The following CDH13 variants were observed in gnomAD, a reference collection of about 807,000 sequenced individuals.
The protein encoded by CDH13 is cadherin-13.
Under a neutral mutation model 63.8 loss-of-function variants are expected in CDH13, and 24 were observed. The observed-to-expected ratio is 0.38, with a 90% CI of 0.27 to 0.53. The LOEUF (loss-of-function observed/expected upper bound fraction) is 0.53. Among genes scored for constraint, CDH13 ranks in the 20% least tolerant of loss-of-function variants. The probability of loss-of-function intolerance (pLI) is 0.85; values close to 1 mark genes in which losing one functional copy is unlikely to be tolerated. For synonymous variants in CDH13, 503 were observed against 355.3 expected (o/e 1.42, Z -4.67); for missense variants, 1,049 against 903.1 (o/e 1.16, Z -2.07).
intron 2 of CDH13, among the ~76,000 whole-genome samples, chr16:82,982,697 GGTC>G (rs1210879030): frequency 6.6e-6 from 1 of 152,178 alleles, no homozygotes; most frequent in Non-Finnish European, 1.5e-5. Flanking sequence ...AGTAGTTGCA[GGTC>G]GTCTCCCTGT....
intron 3 of CDH13, among the ~76,000 whole-genome samples, chr16:83,113,783 C>G: frequency 6.6e-6 from 1 of 152,132 alleles, no homozygotes; most frequent in Non-Finnish European, 1.5e-5. Context: ...AGCCCTCAGA[C>G]AAGCACCTGC....
chr16:83,193,504 C>T (rs2038787973), intron 4 of CDH13, among the ~76,000 whole-genome samples: 2 of 152,172 alleles, frequency 1.3e-5, no homozygotes, highest in African/African-American at 4.8e-5. Context: ...AACCTAGGTT[C>T]TCTATAGGAT....
intron 10 of CDH13, among the ~76,000 whole-genome samples, chr16:83,737,009 T>G (rs1390786403): frequency 6.6e-6 from 1 of 152,066 alleles, no homozygotes; most frequent in Middle Eastern, 3.2e-3. Context: ...TCGGTGCACG[T>G]GGGGCTCACA....
At chr16:83,628,282 A>AT (rs573744612) in intron 8 of CDH13, among the ~76,000 whole-genome samples, 144 of 152,202 alleles carry the variant, frequency 9.5e-4, no homozygotes, top group African/African-American at 3.3e-3. Context: ...AATTTTGCAT[A>AT]TTTTTTGGAG....
intron 2 of CDH13, among the ~76,000 whole-genome samples, chr16:82,960,063 T>C (rs1906736766): frequency 6.6e-6 from 1 of 152,202 alleles, no homozygotes; most frequent in Admixed American, 6.5e-5. Flanking sequence ...TGCAATCCTA[T>C]TCATGTTTTA....
intron 2 of CDH13, among the ~76,000 whole-genome samples, chr16:82,992,402 T>C (rs1459037247): frequency 6.6e-6 from 1 of 152,208 alleles, no homozygotes; most frequent in African/African-American, 2.4e-5. Flanking sequence ...TATGTGTATA[T>C]ATAAAAAATA....
At chr16:83,785,603 T>C (rs982400344) in intron 13 of CDH13, among the ~76,000 whole-genome samples, 53 of 152,348 alleles carry the variant, frequency 3.5e-4, no homozygotes, top group African/African-American at 1.1e-3. Context: ...AGTGTAGGAA[T>C]GTTCCCTTCG....
intron 10 of CDH13, among the ~76,000 whole-genome samples, chr16:83,695,809 T>A (rs1247824148): frequency 6.6e-6 from 1 of 152,184 alleles, no homozygotes; most frequent in African/African-American, 2.4e-5. Flanking sequence ...TGATCATCCC[T>A]GTTCTATAGA....
At chr16:83,193,420 C>T (rs2038784913) in intron 4 of CDH13, among the ~76,000 whole-genome samples, 1 of 152,178 alleles carries the variant, frequency 6.6e-6, no homozygotes, top group Non-Finnish European at 1.5e-5. Flanking sequence ...CCAAACCCTA[C>T]CTCCTGGGGA....
chr16:83,515,160 C>A (rs1255732602), intron 7 of CDH13, among the ~76,000 whole-genome samples: 1 of 152,080 alleles, frequency 6.6e-6, no homozygotes, highest in Non-Finnish European at 1.5e-5. Context: ...TCTCTTTTCT[C>A]CCCTGCAGAT....
chr16:83,385,925 C>G (rs575944295), intron 6 of CDH13, among the ~76,000 whole-genome samples: 1 of 152,318 alleles, frequency 6.6e-6, no homozygotes. Flanking sequence ...GTGGTTATCA[C>G]AATGTAGTTT....
intron 2 of CDH13, among the ~76,000 whole-genome samples, chr16:83,028,396 C>G (rs1347209279): frequency 6.6e-6 from 1 of 152,210 alleles, no homozygotes; most frequent in East Asian, 1.9e-4. Context: ...GGCTCTAAAG[C>G]TGACTTAACC....
At chr16:83,476,796 A>T (rs560835829) in intron 6 of CDH13, among the ~76,000 whole-genome samples, 2 of 152,362 alleles carry the variant, frequency 1.3e-5, no homozygotes, top group East Asian at 3.9e-4. Flanking sequence ...CTAATTCAAT[A>T]TAAAGAGTAT....
intron 6 of CDH13, among the ~76,000 whole-genome samples, chr16:83,350,694 A>G (rs1043403948): frequency 1.3e-5 from 2 of 152,140 alleles, no homozygotes; most frequent in African/African-American, 4.8e-5. Context: ...GGAGGATAGC[A>G]TCCAATAAAT....
intron 2 of CDH13, among the ~76,000 whole-genome samples, chr16:83,021,274 G>C (rs1597155106): frequency 6.6e-6 from 1 of 152,196 alleles, no homozygotes; most frequent in African/African-American, 2.4e-5. Context: ...TCAACAAACA[G>C]GGTTGAGTAT....
At chr16:83,634,127 G>C (rs1567470904) in intron 8 of CDH13, among the ~76,000 whole-genome samples, 5 of 107,456 alleles carry the variant, frequency 4.7e-5, no homozygotes, top group Non-Finnish European at 3.9e-5. Context: ...CTGTGTGTGT[G>C]TGTGTGTATG....
At chr16:83,254,065 G>A (rs749182170) in intron 5 of CDH13, among the ~76,000 whole-genome samples, 31 of 152,132 alleles carry the variant, frequency 2.0e-4, no homozygotes, top group East Asian at 1.9e-4. Flanking sequence ...ACAAGACGCC[G>A]CAGTGTTCCT....
chr16:83,726,603 A>G (rs11641705), intron 10 of CDH13, among the ~76,000 whole-genome samples: 40,251 of 152,038 alleles, frequency 0.26, 5,358 homozygotes, highest in Middle Eastern at 0.33. Flanking sequence ...TGGGAGGCCG[A>G]GGCGGGCAGA....
chr16:82,883,775 G>A (rs1350572483), intron 2 of CDH13, among the ~76,000 whole-genome samples: 1 of 152,134 alleles, frequency 6.6e-6, no homozygotes, highest in Admixed American at 6.6e-5. Flanking sequence ...GGCATTTCAT[G>A]GTCTTCCCCA....
Sources: allele counts gnomAD v4.1 joint callset (sites outside exome capture counted in the v4.1 genomes callset), GRCh38; gene constraint gnomAD v4.1.1; transcripts MANE v1.5; gene names NCBI Gene and HGNC (gene_info 2026-07-23, HGNC 2026-07-21).